Variants in MAP2 observed in about 807,000 individuals in gnomAD.
MAP2 encodes the protein microtubule associated protein 2.
In MAP2, 14 loss-of-function variants were observed where a neutral mutation model predicts 137.6. The observed-to-expected ratio is 0.10, with a 90% CI of 0.07 to 0.16. The LOEUF is 0.16. MAP2 is among the 10% of genes least tolerant of loss of function. The pLI is 1.00. For missense variants in MAP2, 2,088 were observed against 2,191.5 expected (o/e 0.95, Z 0.94); for synonymous variants, 786 against 782.3 (o/e 1.00, Z -0.08).
At chr2:209,522,078 A>G (rs796859677) in intron 2 of MAP2, among the ~76,000 whole-genome samples, 2 of 152,166 alleles carry the variant, frequency 1.3e-5, no homozygotes, top group African/African-American at 4.8e-5. Flanking sequence ...GCTGCTTCTC[A>G]TACTGGATAT....
intron 2 of MAP2, among the ~76,000 whole-genome samples, chr2:209,562,478 C>T (rs1346552049): frequency 6.6e-6 from 1 of 151,912 alleles, no homozygotes; most frequent in Non-Finnish European, 1.5e-5. Flanking sequence ...GAGTGGATCA[C>T]TTAAAGTCAG....
chr2:209,564,757 A>G (rs2073034531), intron 2 of MAP2, among the ~76,000 whole-genome samples: 1 of 152,068 alleles, frequency 6.6e-6, no homozygotes, highest in Non-Finnish European at 1.5e-5. Flanking sequence ...TTGGCTCATT[A>G]TCATCAGATC....
intron 13 of MAP2, among the ~76,000 whole-genome samples, chr2:209,717,657 A>G (rs59555743): frequency 0.12 from 18,112 of 152,164 alleles, 1,389 homozygotes; most frequent in East Asian, 0.23. Context: ...ATGTAAGCAT[A>G]TTTATAACAT....
intron 2 of MAP2, among the ~76,000 whole-genome samples, chr2:209,566,870 CATCA>C (rs1351514646): frequency 6.6e-6 from 1 of 151,978 alleles, no homozygotes; most frequent in East Asian, 1.9e-4. Context: ...TCTCATCCGC[CATCA>C]ATCAATCATA....
intron 13 of MAP2, among the ~76,000 whole-genome samples, chr2:209,713,361 G>A (rs752896129): frequency 5.3e-5 from 8 of 152,120 alleles, no homozygotes; most frequent in Admixed American, 1.3e-4. Context: ...CTTCTGTTAA[G>A]GTCCAATTTC....
chr2:209,709,441 C>A (rs2064653671), intron 12 of MAP2, among the ~76,000 whole-genome samples: 1 of 151,940 alleles, frequency 6.6e-6, no homozygotes, highest in Non-Finnish European at 1.5e-5. Flanking sequence ...ACTATGTGTC[C>A]TAAATACATG....
chr2:209,589,627 T>C (rs1419853716), intron 3 of MAP2, among the ~76,000 whole-genome samples: 2 of 152,154 alleles, frequency 1.3e-5, no homozygotes, highest in African/African-American at 4.8e-5. Flanking sequence ...ACTGAAATGG[T>C]TTAAAATTTT....
Position 209,608,934 on chromosome 2 carries a change from A to G in MAP2, c.-106-16119A>G, listed in dbSNP as rs1323122682. On this transcript the variant is annotated intron_variant, in intron 3 of 15. Coordinates refer to ENST00000682079, the MANE Select transcript of MAP2 (RefSeq NM_001375505.1). The stretch of plus-strand genomic sequence containing the variant: ...AATTATGTGTAACTTTACAAAGCTC[A>G]TCTTAAATACCATGCTCTCCAGAAT... 2.6e-5 allele frequency among the ~76,000 whole-genome samples: 4 copies of G among 152,040 alleles called. No individual in the cohort carries two copies. In the East Asian group the frequency reaches 7.7e-4, roughly 29 times the overall value.
intron 1 of MAP2, among the ~76,000 whole-genome samples, chr2:209,438,469 T>C (rs1037002495): frequency 6.6e-6 from 1 of 151,700 alleles, no homozygotes; most frequent in African/African-American, 2.4e-5. Flanking sequence ...ACATAGTTTA[T>C]TGTGTAAATA....
At chr2:209,562,097 C>A (rs1477761981) in intron 2 of MAP2, among the ~76,000 whole-genome samples, 2 of 151,720 alleles carry the variant, frequency 1.3e-5, no homozygotes, top group Non-Finnish European at 2.9e-5. Context: ...ATTGATGTTC[C>A]CCAAATTAAC....
chr2:209,453,501 G>A (rs373853405), intron 1 of MAP2, among the ~76,000 whole-genome samples: 60 of 152,102 alleles, frequency 3.9e-4, no homozygotes, highest in African/African-American at 1.3e-3. Flanking sequence ...GCAACATAAC[G>A]ACTTAAAAGG....
intron 5 of MAP2, among the ~76,000 whole-genome samples, chr2:209,667,331 T>A (rs1046789181): frequency 1.3e-5 from 2 of 152,052 alleles, no homozygotes; most frequent in African/African-American, 2.4e-5. Context: ...CAGTTTTTTT[T>A]AAAGAAAACA....
chr2:209,518,211 G>A (rs559109532), intron 2 of MAP2, among the ~76,000 whole-genome samples: 1 of 152,066 alleles, frequency 6.6e-6, no homozygotes, highest in South Asian at 2.1e-4. Context: ...TATTAACAGT[G>A]GTTACTTTGC....
At chr2:209,593,813 A>G (rs2080318791) in intron 3 of MAP2, among the ~76,000 whole-genome samples, 1 of 83,030 alleles carries the variant, frequency 1.2e-5, no homozygotes, top group African/African-American at 4.6e-5. Flanking sequence ...ATATAATATA[A>G]TATAATACAT....
intron 3 of MAP2, 40 bp from the exon 4 acceptor site, chr2:209,625,013 G>A (rs1188579154): frequency 1.3e-5 from 2 of 152,070 alleles, no homozygotes; most frequent in African/African-American, 4.8e-5. Context: ...AATGTATATG[G>A]ATCAGGGATT....
intron 10 of MAP2, 142 bp downstream of exon 10, chr2:209,697,193 G>T: frequency 1.3e-6 from 1 of 755,572 alleles, no homozygotes; most frequent in South Asian, 2.1e-5. Flanking sequence ...TAAGTGTCTT[G>T]TATCATTATT....
At chr2:209,646,370 C>T (rs1217850625) in intron 4 of MAP2, among the ~76,000 whole-genome samples, 1 of 152,010 alleles carries the variant, frequency 6.6e-6, no homozygotes, top group Admixed American at 6.6e-5. Flanking sequence ...CTTTGGCTGC[C>T]TATGGGCAAG....
chr2:209,475,313 A>T (rs1706929653), intron 1 of MAP2, among the ~76,000 whole-genome samples: 1 of 152,078 alleles, frequency 6.6e-6, no homozygotes, highest in Non-Finnish European at 1.5e-5. Context: ...TAAACTGTGT[A>T]TAGAGTTCTC....
intron 1 of MAP2, among the ~76,000 whole-genome samples, chr2:209,482,684 A>T (rs140922882): frequency 6.6e-6 from 1 of 152,212 alleles, no homozygotes; most frequent in Non-Finnish European, 1.5e-5. Context: ...CTAATGATGA[A>T]AAAACTGAGA....
Sources: gnomAD v4.1 joint callset for allele counts (sites outside exome capture counted in the v4.1 genomes callset) on GRCh38, gnomAD v4.1.1 for gene constraint, MANE v1.5 for transcripts, NCBI Gene and HGNC (gene_info 2026-07-23, HGNC 2026-07-21) for gene names.